The following AGAP3 variants were observed in gnomAD, a reference collection of about 807,000 sequenced individuals.
AGAP3 encodes arf-GAP with GTPase, ANK repeat and PH domain-containing protein 3.
A neutral mutation model predicts 96.9 loss-of-function variants in AGAP3; 24 were observed. The observed-to-expected ratio is 0.25, with a 90% CI of 0.18 to 0.35. The LOEUF is 0.35. Ranked by LOEUF, AGAP3 falls within the 10% of genes least tolerant of loss-of-function variation. The pLI is 1.00. For synonymous variants in AGAP3, 563 were observed against 536.1 expected (o/e 1.05, Z -0.69); for missense variants, 876 against 1,254.2 (o/e 0.70, Z 4.55).
chr7:151,123,055 G>T, intron 8 of AGAP3: 1 of 1,288,278 alleles, frequency 7.8e-7, no homozygotes, highest in Non-Finnish European at 9.8e-7. Context: ...GCCCGGCGCT[G>T]GCCAGCGCGA....
chr7:151,133,061 G>A lies in AGAP3; in HGVS notation c.1327-1339G>A, dbSNP rs553584259. ...GCGCGTCTGGGAAGGCTCGTCGCACGGCCGCCCTTAGGATGCAGATATTCC... is the reference window on the plus strand; with the variant it reads ...GCGCGTCTGGGAAGGCTCGTCGCACAGCCGCCCTTAGGATGCAGATATTCC... On this transcript the variant is annotated intron_variant, in intron 10 of 17. Transcript: ENST00000397238. The surrounding 1 kb of genome is among the most constrained non-coding windows in gnomAD (Gnocchi z 5.4). Among the ~76,000 whole-genome samples, 3 of 152,294 alleles carry A rather than the reference G, an allele frequency of 2.0e-5. No homozygotes were observed. Among genetic ancestry groups the A allele is most frequent in the Admixed American group, 6.5e-5 (1 of 15,294 alleles).
At chr7:151,117,240 C>T (rs1799634774) in intron 3 of AGAP3, 58 bp downstream of exon 3, 1 of 1,588,400 alleles carries the variant, frequency 6.3e-7, no homozygotes. Context: ...AGCTCCTGCC[C>T]ACAGGGTCTG....
Position 151,116,872 on chromosome 7 carries a change from G to A in AGAP3, c.390+21G>A, listed in dbSNP as rs1376142296. On this transcript the variant is annotated intron_variant, in intron 2 of 17. Coordinates refer to ENST00000397238, the MANE Select transcript of AGAP3 (RefSeq NM_031946.7). ...AAGTGGTGAGTGTGGCCCATGGGCA[G>A]CACCGGCGGCCTGGAGCTGGGGGGG... 4 of 1,611,684 alleles carry A rather than the reference G, an allele frequency of 2.5e-6. No homozygotes were observed. The East Asian group carries it at 8.9e-5, about 36-fold the overall frequency.
rs899329255 is a variant in AGAP3 at position 151,133,454 on chromosome 7, G to A, written c.1327-946G>A. On this transcript the variant is annotated intron_variant, in intron 10 of 17. Transcript: ENST00000397238. This position sits in a 1 kb window ranked among gnomAD's most constrained non-coding sequence, Gnocchi z 5.4. ...ACCCTCCCTCCCTGCACTCGGCCGT[G>A]GTGCTCCCTAAATGATGGGGGGAGT... Among the ~76,000 whole-genome samples the A allele has an allele frequency of 6.6e-6, 1 of 151,884 alleles. No individual in the cohort carries two copies. Among genetic ancestry groups the A allele is most frequent in the Admixed American group, 6.5e-5 (1 of 15,272 alleles).
intron 1 of AGAP3, among the ~76,000 whole-genome samples, chr7:151,109,139 G>A: frequency 6.8e-6 from 1 of 147,598 alleles, no homozygotes. Context: ...ACCAGCATAG[G>A]CAGCATAGTG....
chr7:151,123,079 G>C, intron 8 of AGAP3: 1 of 1,219,518 alleles, frequency 8.2e-7, no homozygotes, highest in Non-Finnish European at 1.0e-6. Flanking sequence ...GGCCCAGAGG[G>C]GCGGGGGAGT....
intron 8 of AGAP3, chr7:151,120,931 T>TG: frequency 1.1e-6 from 1 of 925,064 alleles, no homozygotes; most frequent in Non-Finnish European, 1.3e-6. Flanking sequence ...CAGCCGGGCT[T>TG]GGCTGGATGT....
intron 11 of AGAP3, 97 bp from the exon 12 acceptor site, chr7:151,138,046 C>T (rs1800669287): frequency 1.0e-6 from 1 of 1,003,720 alleles, no homozygotes; most frequent in Non-Finnish European, 1.5e-6. Context: ...TGCTGAATGT[C>T]TCAGGCTCTG....
chr7:151,123,092 A>G, intron 8 of AGAP3: 6 of 1,170,654 alleles, frequency 5.1e-6, no homozygotes, highest in Non-Finnish European at 6.3e-6. Context: ...GGGGGAGTCC[A>G]AGCCCGCCCG....
At chr7:151,117,887 C>G (rs1009942172) in intron 5 of AGAP3, 110 bp downstream of exon 5, 41 of 1,406,848 alleles carry the variant, frequency 2.9e-5, no homozygotes, top group Non-Finnish European at 3.9e-5. Flanking sequence ...TACTCTTTTC[C>G]CAGTGCTGAC....
chr7:151,140,380 A>G lies in AGAP3; in HGVS notation c.1804+264A>G, dbSNP rs1304803374. 3.3e-6 allele frequency: 1 copy of G among 299,278 alleles called. No individual in the cohort carries two copies. The highest frequency in any genetic ancestry group is 5.3e-5 in the Admixed American group (1 of 18,928). 18.5% of individuals were successfully genotyped at this position (299,278 alleles called of 1,614,324 possible). ...TTAAGGTAAAAGACAGCAGACTGCT[A>G]CATCAATAGCTCCTCTAAGATGTTC... On this transcript the variant is annotated intron_variant, in intron 13 of 17. Transcript: ENST00000397238. The surrounding 1 kb of genome is among the most constrained non-coding windows in gnomAD (Gnocchi z 5.4).
At chr7:151,088,354 C>G (rs902877357) in intron 1 of AGAP3, among the ~76,000 whole-genome samples, 2 of 152,220 alleles carry the variant, frequency 1.3e-5, no homozygotes, top group Non-Finnish European at 2.9e-5. Context: ...GCTGAGTTCT[C>G]TGTGAACTAA....
intron 1 of AGAP3, among the ~76,000 whole-genome samples, chr7:151,091,950 G>A (rs1798416360): frequency 6.6e-6 from 1 of 152,202 alleles, no homozygotes; most frequent in African/African-American, 2.4e-5. Flanking sequence ...AGAACATAGT[G>A]TGGCTCTCGG....
intron 8 of AGAP3, chr7:151,123,570 C>A: frequency 2.2e-6 from 3 of 1,375,060 alleles, no homozygotes; most frequent in Non-Finnish European, 2.8e-6. Flanking sequence ...TTGTAAGGGG[C>A]GGGCCCGGCT....
chr7:151,104,091 C>G (rs1420460431), intron 1 of AGAP3, among the ~76,000 whole-genome samples: 1 of 152,114 alleles, frequency 6.6e-6, no homozygotes, highest in African/African-American at 2.4e-5. Context: ...GTGATCATTC[C>G]ACACGCTCGA....
rs759775629 is a variant in AGAP3 at position 151,123,375 on chromosome 7, G to A, written c.1129-419G>A. 1.1e-5 allele frequency: 12 copies of A among 1,054,792 alleles called. No homozygotes were observed. In the South Asian group the frequency reaches 1.6e-4, roughly 14 times the overall value. 65.3% of individuals were successfully genotyped at this position (1,054,792 alleles called of 1,614,324 possible). A position where few individuals can be genotyped will look rare whatever the true frequency, so the allele number is the denominator to read the frequency against. ...GCCACGCCGACGCGCTCGGTGCCACGTGCCGTGTGGTGTCTGTGCCGCAGA... is the reference window on the plus strand; with the variant it reads ...GCCACGCCGACGCGCTCGGTGCCACATGCCGTGTGGTGTCTGTGCCGCAGA... On this transcript the variant is annotated intron_variant, in intron 8 of 17. Transcript: ENST00000397238.
rs1799661787 is a variant in AGAP3, at chr7:151,117,674, C to T, written c.603C>T (p.Ser201=). 6.2e-7 allele frequency: 1 copy of T among 1,614,222 alleles called. No individual in the cohort carries two copies. Residue 201 remains serine (S), a synonymous_variant, in exon 5 of 18, where the codon AGC becomes AGT. Coordinates refer to ENST00000397238, the MANE Select transcript of AGAP3 (RefSeq NM_031946.7). ...AWVDAVVFVF[S]LEDEISFQTV... is the part of the protein sequence containing the mutation. ...TGGATGCAGTGGTGTTTGTGTTCAG[C>T]CTGGAGGATGAAATCAGTTTCCAGA...
At chr7:151,105,651 A>C (rs934728685) in intron 1 of AGAP3, among the ~76,000 whole-genome samples, 2 of 151,364 alleles carry the variant, frequency 1.3e-5, no homozygotes, top group Non-Finnish European at 2.9e-5. Context: ...CTGTGCTCCC[A>C]GCTACTTGTG....
chr7:151,135,532 C>T (rs1800558666), intron 11 of AGAP3, among the ~76,000 whole-genome samples: 1 of 152,238 alleles, frequency 6.6e-6, no homozygotes, highest in African/African-American at 2.4e-5. Flanking sequence ...TTGTCCCACT[C>T]ACAAGGCTGA....
Sources: allele counts gnomAD v4.1 joint callset (sites outside exome capture counted in the v4.1 genomes callset), GRCh38; gene constraint gnomAD v4.1.1; non-coding constraint Gnocchi (gnomAD v3.1); transcripts MANE v1.5; gene names NCBI Gene and HGNC (gene_info 2026-07-23, HGNC 2026-07-21).